THRB: variants seen among roughly 807,000 people sequenced by gnomAD.
THRB encodes the protein thyroid hormone receptor beta, also known as nuclear receptor subfamily 1 group A member 2.
A neutral mutation model predicts 47.8 loss-of-function variants in THRB; 12 were observed. The ratio of observed to expected loss-of-function variants is 0.25; its 90% CI spans 0.16 to 0.41. The LOEUF is 0.41. Among genes scored for constraint, THRB ranks in the 10% least tolerant of loss-of-function variants. THRB has a pLI of 1.00. For synonymous variants in THRB, 218 were observed against 212.2 expected (o/e 1.03, Z -0.24); for missense variants, 348 against 589.2 (o/e 0.59, Z 4.24).
intron 3 of THRB, among the ~76,000 whole-genome samples, chr3:24,263,241 A>G (rs2052271488): frequency 6.6e-6 from 1 of 151,726 alleles, no homozygotes; most frequent in African/African-American, 2.4e-5. Context: ...GTTCTTTTTC[A>G]CCCAACAGCT....
chr3:24,356,229 C>T (rs1021703000), intron 1 of THRB, among the ~76,000 whole-genome samples: 5 of 152,072 alleles, frequency 3.3e-5, no homozygotes, highest in Non-Finnish European at 7.4e-5. Flanking sequence ...GATGCTCTGC[C>T]CTTCTGGTCC....
At chr3:24,442,650 C>G (rs1004550558) in intron 1 of THRB, among the ~76,000 whole-genome samples, 1 of 151,640 alleles carries the variant, frequency 6.6e-6, no homozygotes, top group Non-Finnish European at 1.5e-5. Context: ...CATGGAGAAA[C>G]CCTTCTCTAC....
chr3:24,461,994 A>G (rs1204017422), intron 1 of THRB, among the ~76,000 whole-genome samples: 7 of 152,212 alleles, frequency 4.6e-5, no homozygotes, highest in African/African-American at 1.7e-4. Flanking sequence ...CCACAAAATT[A>G]TATAAAGCCT....
chr3:24,184,216 G>A (rs2149506303), intron 5 of THRB, among the ~76,000 whole-genome samples: 1 of 152,238 alleles, frequency 6.6e-6, no homozygotes, highest in South Asian at 2.1e-4. Flanking sequence ...ACAATTTATT[G>A]GAACATTCCC....
In THRB at chr3:24,179,148, A is replaced by C. The variant is rs371547417; in HGVS notation, c.283+10926T>G. 3.9e-5 allele frequency among the ~76,000 whole-genome samples: 6 copies of C among 152,164 alleles called. No homozygotes were observed. The East Asian group carries it at 9.6e-4, about 24-fold the overall frequency. ...TATCTAGAGGAATGAAGCCTGTGAA[A>C]ACCCCTTAGAGACAAGTCCTCTCTC... On this transcript the variant is annotated intron_variant, in intron 5 of 10. Transcript: ENST00000646209.
At chr3:24,309,697 T>C (rs2057614536) in intron 2 of THRB, among the ~76,000 whole-genome samples, 1 of 152,214 alleles carries the variant, frequency 6.6e-6, no homozygotes, top group African/African-American at 2.4e-5. Context: ...TTTCCTTTTT[T>C]GATAAAAGTA....
intron 5 of THRB, among the ~76,000 whole-genome samples, chr3:24,186,479 C>T (rs1026854159): frequency 6.6e-6 from 1 of 152,112 alleles, no homozygotes; most frequent in Non-Finnish European, 1.5e-5. Context: ...GGGTCACTTG[C>T]TCCTGGTTAA....
At chr3:24,378,669 A>G (rs2065470006) in intron 1 of THRB, among the ~76,000 whole-genome samples, 1 of 152,178 alleles carries the variant, frequency 6.6e-6, no homozygotes, top group Admixed American at 6.6e-5. Context: ...AGGGAGACAC[A>G]TGGGAGATGC....
chr3:24,436,915 G>C (rs1003146207), intron 1 of THRB, among the ~76,000 whole-genome samples: 1 of 152,024 alleles, frequency 6.6e-6, no homozygotes, highest in Non-Finnish European at 1.5e-5. Context: ...CAGTTCTCAG[G>C]TCTGGCCAAT....
At chr3:24,195,346 A>C (rs1013422639) in intron 4 of THRB, among the ~76,000 whole-genome samples, 2 of 152,206 alleles carry the variant, frequency 1.3e-5, no homozygotes, top group African/African-American at 2.4e-5. Context: ...TTGTGCTATT[A>C]ACCGATATGT....
intron 1 of THRB, among the ~76,000 whole-genome samples, chr3:24,349,328 T>G (rs1405495797): frequency 3.3e-5 from 5 of 151,082 alleles, no homozygotes; most frequent in African/African-American, 7.3e-5. Context: ...AAGTCTTGGG[T>G]TTTTTTTTCT....
intron 1 of THRB, among the ~76,000 whole-genome samples, chr3:24,357,346 CAAAAAA>C (rs781709724): frequency 1.0e-4 from 3 of 28,732 alleles, no homozygotes; most frequent in African/African-American, 2.2e-4. Flanking sequence ...TTGTCTCTCC[CAAAAAA>C]AAAAAAAAAA....
At chr3:24,263,285 T>C (rs1186851641) in intron 3 of THRB, among the ~76,000 whole-genome samples, 3 of 152,164 alleles carry the variant, frequency 2.0e-5, no homozygotes, top group Non-Finnish European at 4.4e-5. Flanking sequence ...AGACTCTTTA[T>C]ACACATTATC....
At chr3:24,386,761 G>A (rs576264465) in intron 1 of THRB, among the ~76,000 whole-genome samples, 1 of 152,116 alleles carries the variant, frequency 6.6e-6, no homozygotes, top group Non-Finnish European at 1.5e-5. Context: ...TCAAATCCAA[G>A]GGCTACCATT....
chr3:24,252,947 T>C (rs890019506), intron 3 of THRB, among the ~76,000 whole-genome samples: 1 of 152,240 alleles, frequency 6.6e-6, no homozygotes, highest in African/African-American at 2.4e-5. Context: ...GGTTAAGGGA[T>C]GAGGTTTATT....
chr3:24,206,823 C>T (rs2045416688), intron 4 of THRB, among the ~76,000 whole-genome samples: 1 of 152,116 alleles, frequency 6.6e-6, no homozygotes, highest in African/African-American at 2.4e-5. Flanking sequence ...GATATCACCA[C>T]CCATCCCACA....
intron 3 of THRB, among the ~76,000 whole-genome samples, chr3:24,244,699 C>T (rs2049929584): frequency 6.6e-6 from 1 of 152,178 alleles, no homozygotes; most frequent in East Asian, 1.9e-4. Context: ...TGGGCAATTG[C>T]TCCACACAAA....
intron 3 of THRB, among the ~76,000 whole-genome samples, chr3:24,257,855 C>T (rs2051466280): frequency 1.3e-5 from 2 of 152,214 alleles, no homozygotes; most frequent in Admixed American, 6.5e-5. Context: ...CTAGCAGAGG[C>T]TAATATTCCA....
chr3:24,281,032 A>C (rs1031274937), intron 3 of THRB, among the ~76,000 whole-genome samples: 5 of 152,264 alleles, frequency 3.3e-5, no homozygotes, highest in African/African-American at 9.6e-5. Context: ...CATCCAGGAG[A>C]ACTTCCCCAA....
Sources: allele counts gnomAD v4.1 joint callset (sites outside exome capture counted in the v4.1 genomes callset), GRCh38; gene constraint gnomAD v4.1.1; transcripts MANE v1.5; gene names NCBI Gene and HGNC (gene_info 2026-07-23, HGNC 2026-07-21).